Variants in FRY observed in about 807,000 individuals in gnomAD.
FRY encodes the protein protein furry homolog.
A neutral mutation model predicts 348.4 loss-of-function variants in FRY; 128 were observed. The ratio of observed to expected loss-of-function variants is 0.37; its 90% confidence interval spans 0.32 to 0.43. FRY has a LOEUF of 0.43. Ranked by LOEUF, FRY falls within the 20% of genes least tolerant of loss-of-function variation. The pLI, the probability that FRY is intolerant of heterozygous loss-of-function variation, is 1.00. For synonymous variants in FRY, 1,370 were observed against 1,374.7 expected (o/e 1.00, Z 0.08); for missense variants, 2,736 against 3,695.2 (o/e 0.74, Z 6.73).
chr13:32,115,564 TAA>T (rs971734008), intron 3 of FRY, among the ~76,000 whole-genome samples: 4 of 152,238 alleles, frequency 2.6e-5, no homozygotes, highest in African/African-American at 9.6e-5. Context: ...TCTGGCAAAA[TAA>T]AGTCTTCATA....
intron 3 of FRY, among the ~76,000 whole-genome samples, chr13:32,111,244 T>G (rs950551456): frequency 6.6e-6 from 1 of 152,072 alleles, no homozygotes; most frequent in Admixed American, 6.5e-5. Flanking sequence ...TCCCAGCACT[T>G]TAGGAGGCTG....
At chr13:32,202,159 G>T (rs1433478543) in intron 30 of FRY, 119 bp downstream of exon 30, 2 of 822,938 alleles carry the variant, frequency 2.4e-6, no homozygotes. Context: ...CATATCATTT[G>T]TGGCTATGAA....
chr13:32,085,617 C>T (rs1197593958), intron 2 of FRY, among the ~76,000 whole-genome samples: 1 of 152,146 alleles, frequency 6.6e-6, no homozygotes, highest in Non-Finnish European at 1.5e-5. Flanking sequence ...TGTGGAGCCC[C>T]TGATACACTC....
In FRY at chr13:32,210,995, C is replaced by G; in HGVS notation, c.4552C>G (p.Arg1518Gly). Residue 1518 changes from arginine (R) to glycine (G), a missense_variant, in exon 34 of 61, where the codon CGC becomes GGC. By Grantham distance (125) the Arg-to-Gly change is moderately radical. Transcript: ENST00000542859. ...VQHCDNPPFY[R>G]FTASSKASAA... Reference sequence around the variant, plus strand: ...GCATTGTGACAACCCGCCCTTCTACCGCTTCACGGCCAGTAGCAAGGCTTC... The same window carrying G: ...GCATTGTGACAACCCGCCCTTCTACGGCTTCACGGCCAGTAGCAAGGCTTC... The G allele has an allele frequency of 6.2e-7, 1 of 1,614,014 alleles. No individual in the cohort carries two copies.
chr13:32,069,807 G>A (rs1278688468), intron 1 of FRY, among the ~76,000 whole-genome samples: 3 of 152,088 alleles, frequency 2.0e-5, no homozygotes, highest in Non-Finnish European at 2.9e-5. Flanking sequence ...TTGGTTTGCT[G>A]CACCCATCAA....
At chr13:32,247,249 CT>C (rs1162592065) in intron 47 of FRY, 73 bp from the exon 48 acceptor site, 2 of 1,232,584 alleles carry the variant, frequency 1.6e-6, no homozygotes, top group Non-Finnish European at 2.4e-6. Flanking sequence ...TAGCTTCTCA[CT>C]GGTCATTCTG....
intron 23 of FRY, among the ~76,000 whole-genome samples, chr13:32,180,628 A>C (rs1301270615): frequency 2.0e-5 from 3 of 152,206 alleles, no homozygotes; most frequent in African/African-American, 7.2e-5. Context: ...CAATCAAATA[A>C]TCATTCCATC....
chr13:32,227,900 G>A (rs798965), intron 39 of FRY, among the ~76,000 whole-genome samples: 1 of 151,792 alleles, frequency 6.6e-6, no homozygotes, highest in Non-Finnish European at 1.5e-5. Flanking sequence ...TACAGGTGCC[G>A]ACCACCACGC....
chr13:32,151,258 A>G (rs777480994), intron 14 of FRY, among the ~76,000 whole-genome samples: 2 of 152,240 alleles, frequency 1.3e-5, no homozygotes, highest in Non-Finnish European at 2.9e-5. Flanking sequence ...GTCAGTGCGT[A>G]ATTAGTTAAC....
At chr13:32,162,687 T>C (rs1168216714) in intron 17 of FRY, among the ~76,000 whole-genome samples, 4 of 152,166 alleles carry the variant, frequency 2.6e-5, no homozygotes, top group African/African-American at 9.7e-5. Context: ...TTTCAAGCCG[T>C]TGTGCTCTCT....
At chr13:32,100,522 A>G (rs1184653078) in intron 2 of FRY, among the ~76,000 whole-genome samples, 1 of 151,078 alleles carries the variant, frequency 6.6e-6, no homozygotes, top group Non-Finnish European at 1.5e-5. Flanking sequence ...AAATAAGTTT[A>G]TTTATGGTGT....
chr13:32,108,296 CA>C (rs1459928921), intron 3 of FRY, among the ~76,000 whole-genome samples: 3 of 152,144 alleles, frequency 2.0e-5, no homozygotes. Context: ...CAAGATTTAT[CA>C]GGTGCCTAAA....
intron 29 of FRY, among the ~76,000 whole-genome samples, chr13:32,196,471 A>G (rs574886500): frequency 6.6e-6 from 1 of 152,288 alleles, no homozygotes; most frequent in Admixed American, 6.5e-5. Flanking sequence ...CCATTTTTGC[A>G]TAATTAATGT....
chr13:32,209,446 C>T, intron 32 of FRY, 139 bp from the exon 33 acceptor site: 1 of 820,646 alleles, frequency 1.2e-6, no homozygotes, highest in Non-Finnish European at 2.1e-6. Context: ...TGAAAGATGG[C>T]ATCTTTCTGA....
In FRY at chr13:32,118,236, T is replaced by TA. The variant is rs755895431; in HGVS notation, c.464+771dup. Among the ~76,000 whole-genome samples, 21 of 152,006 alleles carry TA rather than the reference T, an allele frequency of 1.4e-4. No individual in the cohort carries two copies. In the East Asian group the frequency reaches 3.3e-3, roughly 24 times the overall value. ...GAAAGATTAATACACTTACCTTTTT[T>TA]AAAAAAAATAAAAGATTATTTTAAA... On this transcript the variant is annotated intron_variant, in intron 4 of 60. Coordinates refer to ENST00000542859, the MANE Select transcript of FRY (RefSeq NM_023037.3).
intron 2 of FRY, among the ~76,000 whole-genome samples, chr13:32,082,851 C>T (rs571098853): frequency 1.3e-5 from 2 of 152,110 alleles, no homozygotes; most frequent in South Asian, 4.2e-4. Flanking sequence ...ACTTTTTTCC[C>T]TGTTTACTTT....
chr13:32,261,784 A>T lies in FRY; in HGVS notation c.7585A>T (p.Thr2529Ser), dbSNP rs563858430. 2 of 1,614,218 alleles carry T rather than the reference A, an allele frequency of 1.2e-6. No homozygotes were observed. The highest frequency in any genetic ancestry group is 4.5e-5 in the East Asian group (2 of 44,882). ...SDESSEEEDL[T>S]ASQILEHSDL... is the part of the protein sequence containing the mutation. ...TGAATCATCCGAGGAGGAGGACCTC[A>T]CAGCCAGCCAGATCCTGGAGCACTC... Residue 2529 changes from threonine (T) to serine (S), a missense_variant, in exon 52 of 61, where the codon ACA becomes TCA. Coordinates refer to ENST00000542859, the MANE Select transcript of FRY (RefSeq NM_023037.3).
At position 32,145,583 on chromosome 13, in the gene FRY, GCCGGA is replaced by G. The variant is rs540754325; in HGVS notation, c.1180-1697_1180-1693del. On this transcript the variant is annotated intron_variant, in intron 11 of 60. Coordinates refer to ENST00000542859, the MANE Select transcript of FRY (RefSeq NM_023037.3). ...GACGGAGTCTCGCTCTGTCGCCCAG[GCCGGA>G]CTGCGGACTGCAGTGGTGCAATCTC... is the stretch of plus-strand genomic sequence containing the variant. Among the ~76,000 whole-genome samples, 251 of 141,776 alleles carry G rather than the reference GCCGGA, an allele frequency of 1.8e-3. 1 individual carries two copies. Among genetic ancestry groups the G allele is most frequent in the African/African-American group, 6.3e-3 (234 of 37,022 alleles). The allele number at this position is 141,776 out of a possible 152,430, so 93.0% of individuals were successfully genotyped here. A position where few individuals can be genotyped will look rare whatever the true frequency, so the allele number is the denominator to read the frequency against.
At chr13:32,227,981 A>C (rs1593770943) in intron 39 of FRY, among the ~76,000 whole-genome samples, 1 of 152,034 alleles carries the variant, frequency 6.6e-6, no homozygotes, top group East Asian at 1.9e-4. Context: ...CGATCTCCTG[A>C]CCTTGTGATC....
Sources: gnomAD v4.1 joint callset for allele counts (sites outside exome capture counted in the v4.1 genomes callset) on GRCh38, gnomAD v4.1.1 for gene constraint, MANE v1.5 for transcripts, NCBI Gene and HGNC (gene_info 2026-07-23, HGNC 2026-07-21) for gene names.